The following P2RX7 variants were observed in gnomAD, a reference collection of about 807,000 sequenced individuals.
The protein encoded by P2RX7 is P2X purinoceptor 7.
In P2RX7, 62 loss-of-function variants were observed where a neutral mutation model predicts 71.6. The observed-to-expected ratio is 0.87, with a 90% CI of 0.71 to 1.07. The LOEUF is 1.07. P2RX7 is among the 50% of genes least tolerant of loss of function. The pLI, the probability that P2RX7 is intolerant of heterozygous loss-of-function variation, is 0.00. For synonymous variants in P2RX7, 299 were observed against 283.3 expected, an observed-to-expected ratio of 1.06 and a Z score of -0.56; for missense variants, 686 against 748.5, an observed-to-expected ratio of 0.92 and a Z score of 0.97.
Position 121,160,944 on chromosome 12 carries a change from A to T in P2RX7, c.406A>T (p.Lys136Ter), listed in dbSNP as rs1308981169. ...RTLCSSDRGC[K>*]KGWMDPQSKG... is the part of the protein sequence containing the mutation. ...GCTCTGTTCCTCTGACCGAGGTTGT[A>T]AAAAGGGATGGATGGACCCGCAGAG... The change falls in exon 4 of 13, where the codon AAA (lysine) becomes TAA (stop). Residue 136 changes from lysine (K) to a stop codon, truncating the protein, a stop_gained. Transcript: ENST00000328963. LOFTEE classifies it high-confidence loss of function. 1 of 1,613,944 alleles carries T rather than the reference A, an allele frequency of 6.2e-7. No individual in the cohort carries two copies. Among genetic ancestry groups the T allele is most frequent in the South Asian group, 1.1e-5 (1 of 91,080 alleles).
chr12:121,182,039 G>A (rs957080740), intron 12 of P2RX7, among the ~76,000 whole-genome samples: 4 of 149,344 alleles, frequency 2.7e-5, no homozygotes, highest in Non-Finnish European at 4.4e-5. Flanking sequence ...ACTCTAGCCT[G>A]GGCAACAGAA....
chr12:121,172,007 G>T (rs944026427), intron 8 of P2RX7, among the ~76,000 whole-genome samples: 1 of 151,874 alleles, frequency 6.6e-6, no homozygotes, highest in Non-Finnish European at 1.5e-5. Flanking sequence ...GACTACAGGT[G>T]CCCGCCACCA....
chr12:121,178,031 A>G (rs1258518985), intron 11 of P2RX7, among the ~76,000 whole-genome samples: 1 of 152,130 alleles, frequency 6.6e-6, no homozygotes, highest in East Asian at 1.9e-4. Flanking sequence ...TTTGTCATTT[A>G]TTAAATTGGT....
At chr12:121,176,228 AACACACAC>A (rs56222751) in intron 9 of P2RX7, among the ~76,000 whole-genome samples, 5,379 of 140,802 alleles carry the variant, frequency 0.038, 246 homozygotes, top group African/African-American at 0.11. Flanking sequence ...CAGCCCCTTC[AACACACAC>A]ACACACACAC....
At chr12:121,139,975 G>A (rs671684) in intron 1 of P2RX7, among the ~76,000 whole-genome samples, 63,798 of 151,970 alleles carry the variant, frequency 0.42, 16,831 homozygotes, top group African/African-American at 0.75. Context: ...CAAGCGATCC[G>A]TCCGTCTTGG....
chr12:121,149,865 C>T lies in P2RX7; in HGVS notation c.126-4920C>T, dbSNP rs1350293934. 6.6e-6 allele frequency among the ~76,000 whole-genome samples: 1 copy of T among 152,156 alleles called. No homozygotes were observed. The highest frequency in any genetic ancestry group is 1.5e-5 in the Non-Finnish European group (1 of 68,032). Reference sequence around the variant, plus strand: ...GAATATAGGTGCACACCACCACACCCCCACAACTTACCCATCCTCCCCGGC... The same window carrying T: ...GAATATAGGTGCACACCACCACACCTCCACAACTTACCCATCCTCCCCGGC... On this transcript the variant is annotated intron_variant, in intron 1 of 12. Coordinates refer to ENST00000328963, the MANE Select transcript of P2RX7 (RefSeq NM_002562.6). This position sits in a 1 kb window ranked among gnomAD's most constrained non-coding sequence, Gnocchi z 4.7.
chr12:121,140,273 G>A (rs1874577526), intron 1 of P2RX7, among the ~76,000 whole-genome samples: 1 of 152,240 alleles, frequency 6.6e-6, no homozygotes. Context: ...CCTGGGGAGA[G>A]AGGAGGGAGC....
chr12:121,161,015 G>T (rs765584241), intron 4 of P2RX7, 41 bp downstream of exon 4: 1 of 1,486,744 alleles, frequency 6.7e-7, no homozygotes, highest in Non-Finnish European at 9.4e-7. Context: ...GGGGTGGATG[G>T]TCTGGCATCT....
At chr12:121,134,259 G>T (rs1047487350) in intron 1 of P2RX7, among the ~76,000 whole-genome samples, 26 of 152,086 alleles carry the variant, frequency 1.7e-4, no homozygotes, top group Non-Finnish European at 3.2e-4. Flanking sequence ...TTTCACCTTT[G>T]GGGGGAATGT....
At chr12:121,181,014 A>G (rs1305524112) in intron 12 of P2RX7, among the ~76,000 whole-genome samples, 1 of 152,014 alleles carries the variant, frequency 6.6e-6, no homozygotes, top group Non-Finnish European at 1.5e-5. Context: ...ACGAGGTCTC[A>G]CTATGTTGTC....
chr12:121,150,874 A>C (rs1240032764), intron 1 of P2RX7, among the ~76,000 whole-genome samples: 2 of 152,140 alleles, frequency 1.3e-5, no homozygotes, highest in African/African-American at 4.8e-5. Context: ...GCGCCATTGC[A>C]CTCCAGCCTT....
chr12:121,182,105 CA>C (rs1645099076), intron 12 of P2RX7, among the ~76,000 whole-genome samples: 2 of 149,102 alleles, frequency 1.3e-5, no homozygotes, highest in Admixed American at 6.7e-5. Context: ...TTTGAAATAT[CA>C]GTGAGTTTTC....
intron 1 of P2RX7, among the ~76,000 whole-genome samples, chr12:121,138,680 G>A (rs1874213178): frequency 6.6e-6 from 1 of 152,240 alleles, no homozygotes; most frequent in Admixed American, 6.5e-5. Context: ...CCAGAAATTA[G>A]GGATTTCTAA....
chr12:121,183,308 C>T (rs1266783758), intron 12 of P2RX7, among the ~76,000 whole-genome samples: 8 of 150,568 alleles, frequency 5.3e-5, no homozygotes, highest in Admixed American at 4.0e-4. Context: ...CAGTGGCTCA[C>T]GCTTGTAATC....
At chr12:121,138,536 T>C (rs976613393) in intron 1 of P2RX7, among the ~76,000 whole-genome samples, 3 of 152,212 alleles carry the variant, frequency 2.0e-5, no homozygotes, top group Admixed American at 6.5e-5. Context: ...GAGGGAGCCG[T>C]GTGAGCCCTA....
intron 8 of P2RX7, among the ~76,000 whole-genome samples, chr12:121,172,157 A>G (rs1882329631): frequency 6.6e-6 from 1 of 151,814 alleles, no homozygotes; most frequent in African/African-American, 2.4e-5. Flanking sequence ...CACTGCGCCC[A>G]GCCATCACCC....
chr12:121,177,069 G>T (rs1883276288), intron 9 of P2RX7, 78 bp from the exon 10 acceptor site: 2 of 1,292,208 alleles, frequency 1.5e-6, no homozygotes, highest in South Asian at 2.4e-5. Flanking sequence ...CTCCCTGATA[G>T]AACCAACAAT....
chr12:121,138,787 C>T (rs1874237016), intron 1 of P2RX7, among the ~76,000 whole-genome samples: 1 of 152,228 alleles, frequency 6.6e-6, no homozygotes, highest in African/African-American at 2.4e-5. Flanking sequence ...TCGGCCCCTT[C>T]CTGAGTCCCA....
intron 1 of P2RX7, among the ~76,000 whole-genome samples, chr12:121,143,103 G>C (rs1293165014): frequency 6.7e-6 from 1 of 148,704 alleles, no homozygotes; most frequent in Non-Finnish European, 1.5e-5. Flanking sequence ...AAAGATGACT[G>C]GGCACGGTGG....
Sources: gnomAD v4.1 joint callset for allele counts (sites outside exome capture counted in the v4.1 genomes callset) on GRCh38, gnomAD v4.1.1 for gene constraint, Gnocchi (gnomAD v3.1) non-coding constraint, MANE v1.5 for transcripts, NCBI Gene and HGNC (gene_info 2026-07-23, HGNC 2026-07-21) for gene names.